Variants in EFHC1 observed in about 807,000 individuals in gnomAD.
EFHC1 encodes the protein EF-hand domain-containing protein 1.
EFHC1 carries 53 observed loss-of-function variants against 69.9 expected under a neutral mutation model. The observed-to-expected ratio is 0.76, with a 90% confidence interval of 0.61 to 0.95. The LOEUF (loss-of-function observed/expected upper bound fraction) is 0.95, where lower values mean the gene tolerates loss of function less well. Among genes scored for constraint, EFHC1 ranks in the 40% least tolerant of loss-of-function variants. EFHC1 has a pLI of 0.00. For missense variants in EFHC1, 739 were observed against 798.7 expected, an observed-to-expected ratio of 0.93 and a Z score of 0.90; for synonymous variants, 256 against 278.4, an observed-to-expected ratio of 0.92 and a Z score of 0.80.
chr6:52,426,510 C>T (rs182794174), intron 2 of EFHC1, among the ~76,000 whole-genome samples: 4 of 152,288 alleles, frequency 2.6e-5, no homozygotes, highest in Admixed American at 1.3e-4. Context: ...CACCCACTTT[C>T]GTGATTTCAA....
intron 2 of EFHC1, chr6:52,437,504 G>C (rs989401431): frequency 6.6e-6 from 1 of 152,202 alleles, no homozygotes; most frequent in African/African-American, 2.4e-5. Context: ...TGCGTAGTCT[G>C]CCACAACAAA....
At position 52,456,186 on chromosome 6, in the gene EFHC1, T is replaced by C. The variant is rs114248321; in HGVS notation, c.916+1899T>C. Among the ~76,000 whole-genome samples, 823 of 152,322 alleles carry C rather than the reference T, an allele frequency of 5.4e-3. 8 individuals carry two copies. The highest frequency in any genetic ancestry group is 0.019 in the African/African-American group (776 of 41,570). On this transcript the variant is annotated intron_variant, in intron 5 of 10. Transcript: ENST00000371068. ...AAAATGAAAATACTGCTAATTCAGCTTGTATTCTCAAATAGAAACAACTGG... is the reference window on the plus strand; with the variant it reads ...AAAATGAAAATACTGCTAATTCAGCCTGTATTCTCAAATAGAAACAACTGG...
At chr6:52,420,579 CTCCAAACACGTCTTCTG>C in intron 1 of EFHC1, 106 bp downstream of exon 1, 1 of 1,359,054 alleles carries the variant, frequency 7.4e-7, no homozygotes, top group Non-Finnish European at 1.0e-6. Context: ...TCTGTCTTCT[CTCCAAACACGTCTTCTG>C]TCCTGACCCT....
intron 2 of EFHC1, among the ~76,000 whole-genome samples, chr6:52,428,012 G>A (rs952979048): frequency 2.0e-5 from 3 of 151,894 alleles, no homozygotes; most frequent in South Asian, 2.1e-4. Flanking sequence ...TAATTTCCTC[G>A]TCTATAAACT....
chr6:52,454,682 C>A (rs1328145372), intron 5 of EFHC1, among the ~76,000 whole-genome samples: 1 of 152,194 alleles, frequency 6.6e-6, no homozygotes, highest in African/African-American at 2.4e-5. Flanking sequence ...ACTTCAACTA[C>A]TTCCTAAACA....
chr6:52,435,780 G>C (rs1581817077), intron 2 of EFHC1, among the ~76,000 whole-genome samples: 3 of 152,158 alleles, frequency 2.0e-5, no homozygotes, highest in African/African-American at 7.2e-5. Flanking sequence ...ATCCTCTGCT[G>C]ATCTAAAATC....
rs1268504152 is a variant in EFHC1 at position 52,494,355 on chromosome 6, G to C, written c.*2014G>C. On this transcript the variant is annotated 3_prime_UTR_variant, in exon 11 of 11. Coordinates refer to ENST00000371068, the MANE Select transcript of EFHC1 (RefSeq NM_018100.4). The stretch of plus-strand genomic sequence containing the variant: ...TGTGGTAAAGAGTGTGTGTATACTG[G>C]GGTGATGATAGTGGTTTCTTCTTAC... 4.4e-6 allele frequency: 2 copies of C among 453,944 alleles called. No individual in the cohort carries two copies. The highest frequency in any genetic ancestry group is 4.4e-6 in the Non-Finnish European group (1 of 226,798). 28.1% of individuals were successfully genotyped at this position (453,944 alleles called of 1,614,324 possible). A position where few individuals can be genotyped will look rare whatever the true frequency, so the allele number is the denominator to read the frequency against.
At chr6:52,447,439 T>C (rs1008525593) in intron 3 of EFHC1, among the ~76,000 whole-genome samples, 2 of 152,210 alleles carry the variant, frequency 1.3e-5, no homozygotes, top group Non-Finnish European at 2.9e-5. Context: ...TTTTCTACAC[T>C]GTTTATTCTA....
chr6:52,441,343 T>C (rs746116628), intron 3 of EFHC1, among the ~76,000 whole-genome samples: 5 of 151,916 alleles, frequency 3.3e-5, no homozygotes, highest in Non-Finnish European at 7.4e-5. Context: ...AGCATATGGC[T>C]AGCAGGTTAT....
chr6:52,478,640 G>A (rs1018254629), intron 7 of EFHC1, among the ~76,000 whole-genome samples: 2 of 152,152 alleles, frequency 1.3e-5, no homozygotes, highest in African/African-American at 4.8e-5. Context: ...GCAGCCTGTG[G>A]TCAGAATGTA....
rs775980459 is a variant in EFHC1 at position 52,452,791 on chromosome 6, CATCAGACTTTG to C, written c.682_692del (p.Asp228ThrfsTer8). The stretch of plus-strand genomic sequence containing the variant: ...CAGCCTCTTCGTAAGTATGTCACCC[CATCAGACTTTG>C]ATCAACTCAAGCAATTTCTCACCTT... On this transcript the variant is annotated frameshift_variant, in exon 4 of 11. Coordinates refer to ENST00000371068, the MANE Select transcript of EFHC1 (RefSeq NM_018100.4). LOFTEE classifies it high-confidence loss of function. 80 of 1,614,050 alleles carry C rather than the reference CATCAGACTTTG, an allele frequency of 5.0e-5. No homozygotes were observed. Among genetic ancestry groups the C allele is most frequent in the Non-Finnish European group, 6.3e-5 (74 of 1,180,034 alleles).
chr6:52,471,305 A>C (rs1765430478), intron 7 of EFHC1, among the ~76,000 whole-genome samples: 2 of 152,184 alleles, frequency 1.3e-5, no homozygotes, highest in African/African-American at 4.8e-5. Flanking sequence ...ATAGTCCCTG[A>C]TTGTCTCAGT....
In EFHC1 at chr6:52,479,694, T is replaced by A. The variant is rs372520849; in HGVS notation, c.1547T>A (p.Met516Lys). 20 of 1,614,110 alleles carry A rather than the reference T, an allele frequency of 1.2e-5. No individual in the cohort carries two copies. Among genetic ancestry groups the A allele is most frequent in the Admixed American group, 1.7e-5 (1 of 60,004 alleles). Residue 516 changes from methionine to lysine, a missense_variant, in exon 9 of 11, where the codon ATG becomes AAG. Met to Lys is a moderately conservative substitution (Grantham distance 95, BLOSUM62 -1). Coordinates refer to ENST00000371068, the MANE Select transcript of EFHC1 (RefSeq NM_018100.4). Reference protein sequence around the residue: ...LDTDEYVLKYMESNAAQYSPE... With the variant: ...LDTDEYVLKYKESNAAQYSPE... ...ACAGACGAGTATGTTTTGAAATACA[T>A]GGAGAGCAACGCTGCCCAGTATTCA... is the stretch of plus-strand genomic sequence containing the variant.
chr6:52,426,195 A>G (rs1401476367), intron 2 of EFHC1, among the ~76,000 whole-genome samples: 1 of 152,198 alleles, frequency 6.6e-6, no homozygotes, highest in African/African-American at 2.4e-5. Flanking sequence ...CAAATCACTT[A>G]CAATCTGACT....
chr6:52,425,252 T>C (rs1444429363), intron 2 of EFHC1, among the ~76,000 whole-genome samples: 1 of 152,224 alleles, frequency 6.6e-6, no homozygotes, highest in African/African-American at 2.4e-5. Context: ...ATGTATCTTT[T>C]CCTTTTGCTT....
At chr6:52,469,621 A>C in intron 7 of EFHC1, 148 bp downstream of exon 7, 2 of 1,138,116 alleles carry the variant, frequency 1.8e-6, no homozygotes, top group South Asian at 2.7e-5. Flanking sequence ...GCCTTCAGGG[A>C]GGTTGGATAG....
chr6:52,466,154 A>G (rs1452352283), intron 6 of EFHC1, among the ~76,000 whole-genome samples: 2 of 152,200 alleles, frequency 1.3e-5, no homozygotes, highest in Non-Finnish European at 2.9e-5. Flanking sequence ...AAATACACCC[A>G]TTCATAAAAG....
At chr6:52,482,460 CATT>C (rs765624541) in intron 9 of EFHC1, 13 of 210,488 alleles carry the variant, frequency 6.2e-5, no homozygotes, top group Middle Eastern at 3.5e-3. Context: ...ACACTGATAA[CATT>C]AATAATTAAA....
chr6:52,438,192 T>G, intron 2 of EFHC1, 112 bp from the exon 3 acceptor site: 1 of 996,878 alleles, frequency 1.0e-6, no homozygotes, highest in Non-Finnish European at 1.5e-6. Context: ...ATAGAAGTGA[T>G]GAGTGTTAAA....
Sources: allele counts gnomAD v4.1 joint callset (sites outside exome capture counted in the v4.1 genomes callset), GRCh38; gene constraint gnomAD v4.1.1; transcripts MANE v1.5; gene names NCBI Gene and HGNC (gene_info 2026-07-23, HGNC 2026-07-21).